The following ADO variants were observed in gnomAD, a reference collection of about 807,000 sequenced individuals.
ADO encodes 2-aminoethanethiol (cysteamine) dioxygenase.
In ADO, 9 loss-of-function variants were observed where a neutral mutation model predicts 16.6. The ratio of observed to expected loss-of-function variants is 0.54; its 90% CI spans 0.33 to 0.95. ADO has a LOEUF of 0.95. ADO is among the 40% of genes least tolerant of loss of function. ADO has a pLI of 0.03. For synonymous variants in ADO, 189 were observed against 179.6 expected, an observed-to-expected ratio of 1.05 and a Z score of -0.42; for missense variants, 356 against 386.4, an observed-to-expected ratio of 0.92 and a Z score of 0.66.
rs1371354376 is a variant in ADO at position 62,805,507 on chromosome 10, G to T, written c.448G>T (p.Glu150Ter). ...GGQRPRALPP[E>*]QQFEPPLQPR... ...GCAACGGCCGCGGGCCTTGCCGCCC[G>T]AGCAGCAGTTCGAGCCGCCGCTGCA... The change falls in exon 1 of 1, where the codon GAG becomes TAG. Residue 150 changes from glutamate to a stop codon, truncating the protein, a stop_gained. Coordinates refer to ENST00000373783, the MANE Select transcript of ADO (RefSeq NM_032804.6). LOFTEE classifies it high-confidence loss of function. The surrounding 1 kb of genome is among the most constrained non-coding windows in gnomAD (Gnocchi z 6.4). 1.3e-6 allele frequency: 2 copies of T among 1,538,436 alleles called. No individual in the cohort carries two copies. The highest frequency in any genetic ancestry group is 2.0e-5 in the Admixed American group (1 of 50,456).
chr10:62,805,489 C>A lies in ADO; in HGVS notation c.430C>A (p.Pro144Thr). Reference protein sequence around the residue: ...DKLDAGGGQRPRALPPEQQFE... With the variant: ...DKLDAGGGQRTRALPPEQQFE... ...GCTAGACGCGGGCGGCGGGCAACGG[C>A]CGCGGGCCTTGCCGCCCGAGCAGCA... is the stretch of plus-strand genomic sequence containing the variant. Residue 144 changes from proline to threonine, a missense_variant, in exon 1 of 1, where the codon CCG (proline) becomes ACG (threonine). Coordinates refer to ENST00000373783, the MANE Select transcript of ADO (RefSeq NM_032804.6). The surrounding 1 kb of genome is among the most constrained non-coding windows in gnomAD (Gnocchi z 6.4). 1.3e-6 allele frequency: 2 copies of A among 1,538,014 alleles called. No homozygotes were observed. Among genetic ancestry groups the A allele is most frequent in the Non-Finnish European group, 1.7e-6 (2 of 1,145,238 alleles).
chr10:62,805,511 A>T lies in ADO; in HGVS notation c.452A>T (p.Gln151Leu). 1 of 1,538,666 alleles carries T rather than the reference A, an allele frequency of 6.5e-7. No individual in the cohort carries two copies. Reference sequence around the variant, plus strand: ...CGGCCGCGGGCCTTGCCGCCCGAGCAGCAGTTCGAGCCGCCGCTGCAGCCC... The same window carrying T: ...CGGCCGCGGGCCTTGCCGCCCGAGCTGCAGTTCGAGCCGCCGCTGCAGCCC... ...GQRPRALPPE[Q>L]QFEPPLQPRE... The change falls in exon 1 of 1, where the codon CAG becomes CTG. Residue 151 changes from glutamine to leucine, a missense_variant. Coordinates refer to ENST00000373783, the MANE Select transcript of ADO (RefSeq NM_032804.6). The surrounding 1 kb of genome is among the most constrained non-coding windows in gnomAD (Gnocchi z 6.4).
rs1310757921 is a variant in ADO at position 62,805,526 on chromosome 10, C to T, written c.467C>T (p.Pro156Leu). 1.3e-6 allele frequency: 2 copies of T among 1,541,940 alleles called. No individual in the cohort carries two copies. Among genetic ancestry groups the T allele is most frequent in the Admixed American group, 2.0e-5 (1 of 50,594 alleles). ...ALPPEQQFEP[P>L]LQPREREAVR... ...CCGCCCGAGCAGCAGTTCGAGCCGCCGCTGCAGCCCCGGGAGCGAGAAGCC... is the reference window on the plus strand; with the variant it reads ...CCGCCCGAGCAGCAGTTCGAGCCGCTGCTGCAGCCCCGGGAGCGAGAAGCC... The change falls in exon 1 of 1, where the codon CCG becomes CTG. Residue 156 changes from proline (P) to leucine (L), a missense_variant. Coordinates refer to ENST00000373783, the MANE Select transcript of ADO (RefSeq NM_032804.6). The surrounding 1 kb of genome is among the most constrained non-coding windows in gnomAD (Gnocchi z 6.4).
At position 62,805,422 on chromosome 10, in the gene ADO, C is replaced by T. The variant is rs752065369; in HGVS notation, c.363C>T (p.Leu121=). The change falls in exon 1 of 1, where the codon CTC becomes CTT. Residue 121 remains leucine (L), a synonymous_variant. Transcript: ENST00000373783. The surrounding 1 kb of genome is among the most constrained non-coding windows in gnomAD (Gnocchi z 6.4). ...ACCACCCGGGCATGCACGGCATGCT[C>T]AAGGTGCTGTACGGCACCGTGCGCA... ...LHDHPGMHGM[L]KVLYGTVRIS... is the part of the protein sequence containing the mutation. 7.6e-6 allele frequency: 12 copies of T among 1,574,600 alleles called. No homozygotes were observed. The highest frequency in any genetic ancestry group is 8.6e-7 in the Non-Finnish European group (1 of 1,163,562).
At position 62,805,073 on chromosome 10, in the gene ADO, A is replaced by G. The variant is rs1348212643; in HGVS notation, c.14A>G (p.Asn5Ser). 4 of 1,509,002 alleles carry G rather than the reference A, an allele frequency of 2.7e-6. No homozygotes were observed. The highest frequency in any genetic ancestry group is 2.3e-5 in the East Asian group (1 of 42,858). 93.5% of individuals were successfully genotyped at this position (1,509,002 alleles called of 1,614,324 possible). The change falls in exon 1 of 1, where the codon AAC becomes AGC. Residue 5 changes from asparagine to serine, a missense_variant. Physicochemically the swap from Asn to Ser is conservative, Grantham distance 46 (BLOSUM62 1). Transcript: ENST00000373783. The surrounding 1 kb of genome is among the most constrained non-coding windows in gnomAD (Gnocchi z 6.4). ...GAGCAGCCGACCATGCCCCGAGACA[A>G]CATGGCCTCCTTGATCCAACGGATC... is the stretch of plus-strand genomic sequence containing the variant. MPRD[N>S]MASLIQRIAR... is the part of the protein sequence containing the mutation.
In ADO at chr10:62,808,471, C is replaced by G. The variant is rs1216326948; in HGVS notation, c.*2599C>G. 6.0e-6 allele frequency: 1 copy of G among 166,882 alleles called. No individual in the cohort carries two copies. The highest frequency in any genetic ancestry group is 2.4e-5 in the African/African-American group (1 of 41,450). The allele number at this position is 166,882 out of a possible 1,614,324, so 10.3% of individuals were successfully genotyped here. On this transcript the variant is annotated 3_prime_UTR_variant, in exon 1 of 1. Transcript: ENST00000373783. The stretch of plus-strand genomic sequence containing the variant: ...TGAATAATAAATGCAATAATTGCCT[C>G]ATGGGTGAGAAATTGTCTGTCTAAA...
At position 62,805,314 on chromosome 10, in the gene ADO, C is replaced by G; in HGVS notation, c.255C>G (p.Val85=). ...CGCTGCCGCCCAACCTGCCGCCAGT[C>G]ACCTACATGCACATCTACGAGACGG... ...LQPLPPNLPP[V]TYMHIYETDG... is the part of the protein sequence containing the mutation. The change falls in exon 1 of 1, where the codon GTC becomes GTG. Residue 85 remains valine (V), a synonymous_variant. Coordinates refer to ENST00000373783, the MANE Select transcript of ADO (RefSeq NM_032804.6). This position sits in a 1 kb window ranked among gnomAD's most constrained non-coding sequence, Gnocchi z 6.4. The G allele has an allele frequency of 6.2e-7, 1 of 1,604,156 alleles. No individual in the cohort carries two copies. The highest frequency in any genetic ancestry group is 8.5e-7 in the Non-Finnish European group (1 of 1,179,242).
At position 62,806,501 on chromosome 10, in the gene ADO, C is replaced by T. The variant is rs866575444; in HGVS notation, c.*629C>T. The stretch of plus-strand genomic sequence containing the variant: ...GAGGACAAGATTTATTTTCTTTCCT[C>T]CCTTTGCCCAGTAGCCACATCTGGT... On this transcript the variant is annotated 3_prime_UTR_variant, in exon 1 of 1. Coordinates refer to ENST00000373783, the MANE Select transcript of ADO (RefSeq NM_032804.6). 4.8e-5 allele frequency: 8 copies of T among 167,242 alleles called. No homozygotes were observed. The highest frequency in any genetic ancestry group is 2.4e-5 in the African/African-American group (1 of 41,454). 10.4% of individuals were successfully genotyped at this position (167,242 alleles called of 1,614,324 possible).
At position 62,806,763 on chromosome 10, in the gene ADO, T is replaced by C. The variant is rs149623368; in HGVS notation, c.*891T>C. 3.7e-4 allele frequency: 62 copies of C among 167,198 alleles called. No individual in the cohort carries two copies. The highest frequency in any genetic ancestry group is 1.4e-3 in the African/African-American group (60 of 41,594). The allele number at this position is 167,198 out of a possible 1,614,324, so 10.4% of individuals were successfully genotyped here. A position where few individuals can be genotyped will look rare whatever the true frequency, so the allele number is the denominator to read the frequency against. On this transcript the variant is annotated 3_prime_UTR_variant, in exon 1 of 1. Coordinates refer to ENST00000373783, the MANE Select transcript of ADO (RefSeq NM_032804.6). ...TTCTAACGGGAAGATTCAAAGGAGC[T>C]GAATGTGTTATGCTTCCAAACAACT...
At position 62,805,268 on chromosome 10, in the gene ADO, C is replaced by G. The variant is rs768856931; in HGVS notation, c.209C>G (p.Pro70Arg). 17 of 1,603,228 alleles carry G rather than the reference C, an allele frequency of 1.1e-5. No homozygotes were observed. Among genetic ancestry groups the G allele is most frequent in the Middle Eastern group, 1.6e-4 (1 of 6,076 alleles). ...CGCGCCGAGGACTTGAACATCGCCC[C>G]GCGCAAGGCCACACTGCAGCCGCTG... ...QLRAEDLNIA[P>R]RKATLQPLPP... The change falls in exon 1 of 1, where the codon CCG (proline) becomes CGG (arginine). Residue 70 changes from proline (P) to arginine (R), a missense_variant. Transcript: ENST00000373783. This position sits in a 1 kb window ranked among gnomAD's most constrained non-coding sequence, Gnocchi z 6.4.
rs1842066551 is a variant in ADO, at chr10:62,807,645, A to G, written c.*1773A>G. The G allele has an allele frequency of 2.4e-5, 4 of 167,240 alleles. No homozygotes were observed. In the Admixed American group the frequency reaches 2.6e-4, roughly 11 times the overall value. 10.4% of individuals were successfully genotyped at this position (167,240 alleles called of 1,614,324 possible). A position where few individuals can be genotyped will look rare whatever the true frequency, so the allele number is the denominator to read the frequency against. ...AAAACCTGACACAGGCATAGTACCA[A>G]GTATTTCCTGCATTGTTGCTAAAAT... On this transcript the variant is annotated 3_prime_UTR_variant, in exon 1 of 1. Coordinates refer to ENST00000373783, the MANE Select transcript of ADO (RefSeq NM_032804.6).
rs1194348723 is a variant in ADO, at chr10:62,806,569, C to G, written c.*697C>G. The G allele has an allele frequency of 6.0e-6, 1 of 167,278 alleles. No homozygotes were observed. Among genetic ancestry groups the G allele is most frequent in the African/African-American group, 2.4e-5 (1 of 41,470 alleles). 10.4% of individuals were successfully genotyped at this position (167,278 alleles called of 1,614,324 possible). ...ACTAAGAAATTCAGCACCTGCATAT[C>G]TCTGTGACATGGTCACTTAGAGCTT... is the stretch of plus-strand genomic sequence containing the variant. On this transcript the variant is annotated 3_prime_UTR_variant, in exon 1 of 1. Transcript: ENST00000373783.
At position 62,806,446 on chromosome 10, in the gene ADO, G is replaced by A. The variant is rs1000337667; in HGVS notation, c.*574G>A. The A allele has an allele frequency of 6.0e-6, 1 of 167,230 alleles. No homozygotes were observed. The highest frequency in any genetic ancestry group is 6.5e-5 in the Admixed American group (1 of 15,290). The allele number at this position is 167,230 out of a possible 1,614,324, so 10.4% of individuals were successfully genotyped here. On this transcript the variant is annotated 3_prime_UTR_variant, in exon 1 of 1. Transcript: ENST00000373783. ...AACTAAATGATTTTTTCAGTTTGGG[G>A]ATCATTCTCACAACATAACTATGCA...
At position 62,805,753 on chromosome 10, in the gene ADO, A is replaced by T. The variant is rs1481640469; in HGVS notation, c.694A>T (p.Lys232Ter). Residue 232 changes from lysine to a stop codon, truncating the protein, a stop_gained, in exon 1 of 1, where the codon AAG (lysine) becomes TAG (stop). Coordinates refer to ENST00000373783, the MANE Select transcript of ADO (RefSeq NM_032804.6). LOFTEE classifies it high-confidence loss of function. The surrounding 1 kb of genome is among the most constrained non-coding windows in gnomAD (Gnocchi z 6.4). Reference protein sequence around the residue: ...YYRVLEPVRPKEASSSACDLP... With the variant: ...YYRVLEPVRP ...CCGGGTGCTGGAGCCGGTCAGGCCCAAGGAGGCCTCCAGCTCGGCCTGTGA... is the reference window on the plus strand; with the variant it reads ...CCGGGTGCTGGAGCCGGTCAGGCCCTAGGAGGCCTCCAGCTCGGCCTGTGA... 1.2e-6 allele frequency: 2 copies of T among 1,607,758 alleles called. No individual in the cohort carries two copies. The highest frequency in any genetic ancestry group is 1.7e-6 in the Non-Finnish European group (2 of 1,177,826).
In ADO at chr10:62,806,740, C is replaced by G. The variant is rs555254351; in HGVS notation, c.*868C>G. 10 of 167,164 alleles carry G rather than the reference C, an allele frequency of 6.0e-5. No homozygotes were observed. Among genetic ancestry groups the G allele is most frequent in the Admixed American group, 2.0e-4 (3 of 15,312 alleles). The allele number at this position is 167,164 out of a possible 1,614,324, so 10.4% of individuals were successfully genotyped here. A position where few individuals can be genotyped will look rare whatever the true frequency, so the allele number is the denominator to read the frequency against. On this transcript the variant is annotated 3_prime_UTR_variant, in exon 1 of 1. Transcript: ENST00000373783. Reference sequence around the variant, plus strand: ...AGGTGATAGAGTAATTCTGTATTTTCTAACGGGAAGATTCAAAGGAGCTGA... The same window carrying G: ...AGGTGATAGAGTAATTCTGTATTTTGTAACGGGAAGATTCAAAGGAGCTGA...
rs1311924156 is a variant in ADO at position 62,806,656 on chromosome 10, TA to T, written c.*786del. ...AGATTTCATGTTGCAGATTCACCTT[TA>T]ATGCAAAGACTGTATTATCCTCACA... On this transcript the variant is annotated 3_prime_UTR_variant, in exon 1 of 1. Coordinates refer to ENST00000373783, the MANE Select transcript of ADO (RefSeq NM_032804.6). The T allele has an allele frequency of 6.0e-6, 1 of 167,254 alleles. No individual in the cohort carries two copies. The highest frequency in any genetic ancestry group is 1.5e-5 in the Non-Finnish European group (1 of 68,124). 10.4% of individuals were successfully genotyped at this position (167,254 alleles called of 1,614,324 possible). A position where few individuals can be genotyped will look rare whatever the true frequency, so the allele number is the denominator to read the frequency against.
Position 62,805,992 on chromosome 10 carries a change from G to T in ADO, c.*120G>T. 1.1e-6 allele frequency: 1 copy of T among 871,600 alleles called. No homozygotes were observed. The highest frequency in any genetic ancestry group is 1.5e-6 in the Non-Finnish European group (1 of 658,598). The allele number at this position is 871,600 out of a possible 1,614,324, so 54.0% of individuals were successfully genotyped here. On this transcript the variant is annotated 3_prime_UTR_variant, in exon 1 of 1. Coordinates refer to ENST00000373783, the MANE Select transcript of ADO (RefSeq NM_032804.6). This position sits in a 1 kb window ranked among gnomAD's most constrained non-coding sequence, Gnocchi z 6.4. ...GGAATGAGCAGCAGCCGCTTCCTCG[G>T]CAGCCTTGGGAAGCACGGGCGACTG...
Position 62,805,302 on chromosome 10 carries a change from C to G in ADO, c.243C>G (p.Asn81Lys). The change falls in exon 1 of 1, where the codon AAC becomes AAG. Residue 81 changes from asparagine to lysine, a missense_variant. Coordinates refer to ENST00000373783, the MANE Select transcript of ADO (RefSeq NM_032804.6). The surrounding 1 kb of genome is among the most constrained non-coding windows in gnomAD (Gnocchi z 6.4). ...RKATLQPLPP[N>K]LPPVTYMHIY... ...CCACACTGCAGCCGCTGCCGCCCAA[C>G]CTGCCGCCAGTCACCTACATGCACA... 6.2e-7 allele frequency: 1 copy of G among 1,604,106 alleles called. No individual in the cohort carries two copies. Among genetic ancestry groups the G allele is most frequent in the Non-Finnish European group, 8.5e-7 (1 of 1,179,298 alleles).
At position 62,807,443 on chromosome 10, in the gene ADO, T is replaced by C. The variant is rs1212737942; in HGVS notation, c.*1571T>C. On this transcript the variant is annotated 3_prime_UTR_variant, in exon 1 of 1. Coordinates refer to ENST00000373783, the MANE Select transcript of ADO (RefSeq NM_032804.6). ...TATTATTAGTGGAATGTTGACCCCG[T>C]ATGTAGAGAAACAGTACGTGCCTTT... 6.0e-6 allele frequency: 1 copy of C among 167,192 alleles called. No individual in the cohort carries two copies. The highest frequency in any genetic ancestry group is 1.5e-5 in the Non-Finnish European group (1 of 68,120). 10.4% of individuals were successfully genotyped at this position (167,192 alleles called of 1,614,324 possible). A position where few individuals can be genotyped will look rare whatever the true frequency, so the allele number is the denominator to read the frequency against.
Sources: gnomAD v4.1 joint callset for allele counts on GRCh38, gnomAD v4.1.1 for gene constraint, Gnocchi (gnomAD v3.1) non-coding constraint, MANE v1.5 for transcripts, NCBI Gene and HGNC (gene_info 2026-07-23, HGNC 2026-07-21) for gene names.